KLF12: variants seen among roughly 807,000 people sequenced by gnomAD.
The protein encoded by KLF12 is KLF transcription factor 12.
Under a neutral mutation model 37.8 loss-of-function variants are expected in KLF12, and 9 were observed. That is an observed-to-expected ratio of 0.24 (90% CI 0.14 to 0.42). The LOEUF (loss-of-function observed/expected upper bound fraction) is 0.42. KLF12 is among the 10% of genes least tolerant of loss of function. The probability of loss-of-function intolerance (pLI) is 1.00; values close to 1 mark genes in which losing one functional copy is unlikely to be tolerated. For missense variants in KLF12, 411 were observed against 516.0 expected (o/e 0.80, Z 1.97); for synonymous variants, 208 against 202.1 (o/e 1.03, Z -0.25).
intron 5 of KLF12, among the ~76,000 whole-genome samples, chr13:73,782,942 G>A (rs949569463): frequency 5.3e-5 from 8 of 152,262 alleles, no homozygotes; most frequent in Admixed American, 4.6e-4. Context: ...TTGATTTAGC[G>A]TATTCTGTAC....
At chr13:73,849,380 A>C (rs935574667) in intron 3 of KLF12, among the ~76,000 whole-genome samples, 32,241 of 95,020 alleles carry the variant, frequency 0.34, 3,419 homozygotes, top group Non-Finnish European at 0.47. Flanking sequence ...CTCCATAAAA[A>C]AAAAAAAAAA....
chr13:74,095,872 A>T (rs1875955187), intron 1 of KLF12, among the ~76,000 whole-genome samples: 1 of 152,136 alleles, frequency 6.6e-6, no homozygotes, highest in African/African-American at 2.4e-5. Flanking sequence ...TGGGGTGTGT[A>T]GGGTTGTCTT....
intron 2 of KLF12, among the ~76,000 whole-genome samples, chr13:73,973,956 T>G (rs1891424494): frequency 6.6e-6 from 1 of 151,934 alleles, no homozygotes; most frequent in Non-Finnish European, 1.5e-5. Context: ...AACTCAGTAC[T>G]CGTAAACACA....
At chr13:73,807,244 G>A (rs1014865914) in intron 5 of KLF12, among the ~76,000 whole-genome samples, 3 of 152,044 alleles carry the variant, frequency 2.0e-5, no homozygotes, top group Non-Finnish European at 4.4e-5. Flanking sequence ...AGGAGGTGGA[G>A]GTTGCAGTGA....
chr13:73,908,318 C>T (rs1283605391), intron 3 of KLF12, among the ~76,000 whole-genome samples: 2 of 148,004 alleles, frequency 1.4e-5, no homozygotes, highest in African/African-American at 4.9e-5. Context: ...GGGAGAATCG[C>T]TTGAACCCAG....
intron 1 of KLF12, among the ~76,000 whole-genome samples, chr13:74,074,934 G>A (rs1366477182): frequency 6.6e-6 from 1 of 152,220 alleles, no homozygotes; most frequent in Non-Finnish European, 1.5e-5. Context: ...ACACAGCACA[G>A]CAGTATGCCA....
chr13:73,947,316 C>T (rs559378194), intron 2 of KLF12, among the ~76,000 whole-genome samples: 3 of 152,196 alleles, frequency 2.0e-5, no homozygotes, highest in South Asian at 2.1e-4. Flanking sequence ...TCCATGTGCA[C>T]GGGATGAGAA....
intron 3 of KLF12, among the ~76,000 whole-genome samples, chr13:73,852,334 G>A (rs538749961): frequency 6.6e-6 from 1 of 152,306 alleles, no homozygotes; most frequent in East Asian, 1.9e-4. Flanking sequence ...TAAAAGTACA[G>A]ATGACAGAGT....
chr13:73,947,264 G>GA (rs781687393), intron 2 of KLF12, among the ~76,000 whole-genome samples: 15 of 152,164 alleles, frequency 9.9e-5, no homozygotes, highest in Non-Finnish European at 1.9e-4. Flanking sequence ...TTGAATTAAT[G>GA]AAAAATCATC....
intron 5 of KLF12, among the ~76,000 whole-genome samples, chr13:73,768,740 A>T (rs952253741): frequency 6.6e-6 from 1 of 152,180 alleles, no homozygotes; most frequent in Non-Finnish European, 1.5e-5. Context: ...ATTTATCCTC[A>T]TGTCATTACT....
chr13:74,167,506 A>T, the KLF12 span, among the ~76,000 whole-genome samples: 3 of 152,238 alleles, frequency 2.0e-5, no homozygotes, highest in African/African-American at 7.2e-5. Context: ...CCTCCTCTCC[A>T]CATCATAAAA....
At chr13:74,132,651 T>C (rs1878325451) in intron 1 of KLF12, among the ~76,000 whole-genome samples, 1 of 152,252 alleles carries the variant, frequency 6.6e-6, no homozygotes, top group African/African-American at 2.4e-5. Flanking sequence ...CACAGTCAGC[T>C]TTTATCAGCT....
chr13:73,841,762 C>T (rs1266343694), intron 4 of KLF12, among the ~76,000 whole-genome samples: 1 of 152,128 alleles, frequency 6.6e-6, no homozygotes, highest in East Asian at 1.9e-4. Context: ...AATAACAAAA[C>T]TCTCCTCTCT....
At chr13:73,928,192 A>T (rs534844645) in intron 3 of KLF12, among the ~76,000 whole-genome samples, 1 of 152,314 alleles carries the variant, frequency 6.6e-6, no homozygotes, top group South Asian at 2.1e-4. Context: ...ATTTCTGGGG[A>T]TCTTGTCCAT....
intron 2 of KLF12, among the ~76,000 whole-genome samples, chr13:73,946,988 T>C (rs1029858806): frequency 1.3e-5 from 2 of 152,228 alleles, no homozygotes; most frequent in South Asian, 2.1e-4. Flanking sequence ...CAGATACATA[T>C]AATCTCAGAT....
At chr13:74,278,317 G>A in the KLF12 span, among the ~76,000 whole-genome samples, 1 of 152,166 alleles carries the variant, frequency 6.6e-6, no homozygotes, top group African/African-American at 2.4e-5. Flanking sequence ...GATGTAAGAT[G>A]ACCAGAAACA....
chr13:74,125,477 G>A (rs973969540), intron 1 of KLF12, among the ~76,000 whole-genome samples: 32 of 152,234 alleles, frequency 2.1e-4, no homozygotes, highest in African/African-American at 7.7e-4. Context: ...TATAGATGTA[G>A]TAGGAGCTAA....
At chr13:74,293,439 T>C in the KLF12 span, among the ~76,000 whole-genome samples, 1 of 152,184 alleles carries the variant, frequency 6.6e-6, no homozygotes, top group Non-Finnish European at 1.5e-5. Context: ...ATGCAGGATA[T>C]AATAGTAAAT....
At chr13:74,189,187 C>T in the KLF12 span, among the ~76,000 whole-genome samples, 1 of 152,136 alleles carries the variant, frequency 6.6e-6, no homozygotes, top group Admixed American at 6.5e-5. Context: ...TCAGTGAACA[C>T]ATTTTGGAAA....
Sources: allele counts gnomAD v4.1 joint callset (sites outside exome capture counted in the v4.1 genomes callset), GRCh38; gene constraint gnomAD v4.1.1; transcripts MANE v1.5; gene names NCBI Gene and HGNC (gene_info 2026-07-23, HGNC 2026-07-21).